EFCAB11: variants seen among roughly 807,000 people sequenced by gnomAD.
The protein encoded by EFCAB11 is EF-hand calcium binding domain 11, also known as EF-hand calcium-binding domain-containing protein 11.
Under a neutral mutation model 23.0 loss-of-function variants are expected in EFCAB11, and 14 were observed. The ratio of observed to expected loss-of-function variants is 0.61; its 90% CI spans 0.40 to 0.95. The LOEUF (loss-of-function observed/expected upper bound fraction) is 0.95, where lower values mean the gene tolerates loss of function less well. Ranked by LOEUF, EFCAB11 falls within the 40% of genes least tolerant of loss-of-function variation. The pLI is 0.00. For missense variants in EFCAB11, 198 were observed against 195.8 expected, an observed-to-expected ratio of 1.01 and a Z score of -0.07; for synonymous variants, 65 against 66.6, an observed-to-expected ratio of 0.98 and a Z score of 0.11.
rs1885556961 is a variant in EFCAB11 at position 89,795,737 on chromosome 14, G to T, written c.*1506C>A. The T allele has an allele frequency of 6.6e-6, 1 of 152,134 alleles. No individual in the cohort carries two copies. Among genetic ancestry groups the T allele is most frequent in the Non-Finnish European group, 1.5e-5 (1 of 68,030 alleles). The allele number at this position is 152,134 out of a possible 1,614,324, so 9.4% of individuals were successfully genotyped here. ...AATTTGTATGATAATGACGCTTAAT[G>T]TTTCCATATTACAAATTTACAATTT... On this transcript the variant is annotated 3_prime_UTR_variant, in exon 6 of 6. Coordinates refer to ENST00000316738, the MANE Select transcript of EFCAB11 (RefSeq NM_145231.4).
chr14:89,872,640 T>C (rs1309398597), intron 5 of EFCAB11, among the ~76,000 whole-genome samples: 3 of 152,272 alleles, frequency 2.0e-5, no homozygotes, highest in Admixed American at 1.3e-4. Context: ...CAAAAACTCA[T>C]ATGCTGAAGT....
Position 89,954,527 on chromosome 14 carries a change from G to A in EFCAB11, c.75+59C>T. On this transcript the variant is annotated intron_variant, in intron 1 of 5. Coordinates refer to ENST00000316738, the MANE Select transcript of EFCAB11 (RefSeq NM_145231.4). ...AGAGTGAGACCCAGACACGGGAGAG[G>A]AAGCGAGAGGCCCAGGCCAAGCTGA... 8 of 1,597,954 alleles carry A rather than the reference G, an allele frequency of 5.0e-6. No homozygotes were observed. The South Asian group carries it at 6.7e-5, about 13-fold the overall frequency.
chr14:89,842,805 C>T (rs1384497220), intron 5 of EFCAB11, among the ~76,000 whole-genome samples: 3 of 152,134 alleles, frequency 2.0e-5, no homozygotes, highest in Non-Finnish European at 4.4e-5. Flanking sequence ...AAGCTACACT[C>T]CTCTTATTTC....
chr14:89,929,022 A>C (rs1315943522), intron 5 of EFCAB11, among the ~76,000 whole-genome samples: 4 of 145,318 alleles, frequency 2.8e-5, no homozygotes, highest in Admixed American at 1.4e-4. Flanking sequence ...TGGACATATA[A>C]ATACATACAT....
chr14:89,836,973 G>A (rs1347076326), intron 5 of EFCAB11: 1 of 454,044 alleles, frequency 2.2e-6, no homozygotes, highest in South Asian at 1.6e-5. Context: ...AGTGAGCCAA[G>A]ACTGTGCGAC....
intron 5 of EFCAB11, among the ~76,000 whole-genome samples, chr14:89,805,957 A>C (rs1347415994): frequency 6.6e-6 from 1 of 152,234 alleles, no homozygotes; most frequent in East Asian, 1.9e-4. Flanking sequence ...TGCTAGCTCA[A>C]GATTCTGGAT....
rs577248718 is a variant in EFCAB11, at chr14:89,816,178, T to C, written c.411-18854A>G. Among the ~76,000 whole-genome samples the C allele has an allele frequency of 1.2e-3, 183 of 152,340 alleles. No homozygotes were observed. In the Middle Eastern group the frequency reaches 0.014, roughly 11 times the overall value. On this transcript the variant is annotated intron_variant, in intron 5 of 5. Coordinates refer to ENST00000316738, the MANE Select transcript of EFCAB11 (RefSeq NM_145231.4). ...AAATGGAGTTGCTTCCTTGATTTCC[T>C]TTCAGTTTGTTCACTGTTGGCATAT... is the stretch of plus-strand genomic sequence containing the variant.
intron 5 of EFCAB11, among the ~76,000 whole-genome samples, chr14:89,849,840 G>C (rs550077333): frequency 6.6e-6 from 1 of 152,262 alleles, no homozygotes; most frequent in South Asian, 2.1e-4. Context: ...ACTTTCAACT[G>C]AAGTGTAATT....
chr14:89,898,676 T>C (rs1287953462), intron 5 of EFCAB11, among the ~76,000 whole-genome samples: 2 of 149,984 alleles, frequency 1.3e-5, no homozygotes, highest in South Asian at 2.1e-4. Flanking sequence ...CTTTTTTTTT[T>C]TTTTTTTTTT....
At chr14:89,849,671 T>C (rs982276472) in intron 5 of EFCAB11, among the ~76,000 whole-genome samples, 1 of 151,312 alleles carries the variant, frequency 6.6e-6, no homozygotes, top group African/African-American at 2.4e-5. Flanking sequence ...CTGTTCATTA[T>C]TATAATCAAT....
intron 5 of EFCAB11, among the ~76,000 whole-genome samples, chr14:89,913,536 C>T (rs192123248): frequency 6.0e-4 from 92 of 152,270 alleles, no homozygotes; most frequent in African/African-American, 2.0e-3. Flanking sequence ...ATTCCGTAAT[C>T]TCTAAATCTT....
intron 5 of EFCAB11, among the ~76,000 whole-genome samples, chr14:89,885,249 A>C (rs942683843): frequency 6.6e-6 from 1 of 152,250 alleles, no homozygotes; most frequent in Non-Finnish European, 1.5e-5. Flanking sequence ...AAAACTACAA[A>C]ACAGCAAGGA....
At chr14:89,946,935 A>G (rs1891007453) in intron 3 of EFCAB11, among the ~76,000 whole-genome samples, 1 of 152,002 alleles carries the variant, frequency 6.6e-6, no homozygotes, top group South Asian at 2.1e-4. Flanking sequence ...TTCCCTAGAT[A>G]CACTTATGAT....
chr14:89,954,536 G>C, intron 1 of EFCAB11, 50 bp downstream of exon 1: 1 of 1,604,992 alleles, frequency 6.2e-7, no homozygotes, highest in Non-Finnish European at 8.5e-7. Flanking sequence ...GGAAGCGAGA[G>C]GCCCAGGCCA....
At chr14:89,853,776 C>T (rs1464912657) in intron 5 of EFCAB11, among the ~76,000 whole-genome samples, 1 of 152,116 alleles carries the variant, frequency 6.6e-6, no homozygotes, top group Non-Finnish European at 1.5e-5. Flanking sequence ...TACATCCTCA[C>T]AACAAAAGAA....
At chr14:89,804,826 A>T (rs1885915321) in intron 5 of EFCAB11, among the ~76,000 whole-genome samples, 1 of 152,194 alleles carries the variant, frequency 6.6e-6, no homozygotes, top group Non-Finnish European at 1.5e-5. Flanking sequence ...TTAAAATGCC[A>T]GGGTTAACCA....
intron 5 of EFCAB11, among the ~76,000 whole-genome samples, chr14:89,800,936 G>T (rs188966157): frequency 1.3e-4 from 20 of 151,990 alleles, no homozygotes; most frequent in Non-Finnish European, 1.9e-4. Context: ...CCAGCTACTC[G>T]GGAGGCTGAG....
intron 5 of EFCAB11, among the ~76,000 whole-genome samples, chr14:89,927,922 C>T (rs938234301): frequency 6.6e-6 from 1 of 152,136 alleles, no homozygotes; most frequent in Non-Finnish European, 1.5e-5. Flanking sequence ...GGAGTTTCGC[C>T]ATGTTGGCCA....
Position 89,954,021 on chromosome 14 carries a change from T to C in EFCAB11, c.76-20A>G. ...AAATACCTGAAGAACATTAAATAGC[T>C]TTAGTTAATGAGACAGAAATGGTTT... On this transcript the variant is annotated intron_variant, in intron 1 of 5. Coordinates refer to ENST00000316738, the MANE Select transcript of EFCAB11 (RefSeq NM_145231.4). 1 of 1,572,882 alleles carries C rather than the reference T, an allele frequency of 6.4e-7. No individual in the cohort carries two copies. Among genetic ancestry groups the C allele is most frequent in the African/African-American group, 1.4e-5 (1 of 74,070 alleles).
Sources: allele counts gnomAD v4.1 joint callset (sites outside exome capture counted in the v4.1 genomes callset), GRCh38; gene constraint gnomAD v4.1.1; transcripts MANE v1.5; gene names NCBI Gene and HGNC (gene_info 2026-07-23, HGNC 2026-07-21).